CRISP3: variants seen among roughly 807,000 people sequenced by gnomAD.
CRISP3 encodes cysteine-rich secretory protein 3.
In CRISP3, 33 loss-of-function variants were observed where a neutral mutation model predicts 36.1. The observed-to-expected ratio is 0.91, with a 90% confidence interval of 0.69 to 1.22. The LOEUF is 1.22. CRISP3 is among the 50% of genes most tolerant of loss of function. CRISP3 has a pLI of 0.00. For missense variants in CRISP3, 330 were observed against 301.2 expected (o/e 1.10, Z -0.71); for synonymous variants, 117 against 104.6 (o/e 1.12, Z -0.72).
At chr6:49,741,333 A>G (rs1397183288) in intron 1 of CRISP3, among the ~76,000 whole-genome samples, 1 of 151,988 alleles carries the variant, frequency 6.6e-6, no homozygotes, top group East Asian at 1.9e-4. Flanking sequence ...ATGTAATCTG[A>G]GGAGTGGATA....
At chr6:49,735,639 A>C in intron 3 of CRISP3, 48 bp from the exon 4 acceptor site, 2 of 1,393,870 alleles carry the variant, frequency 1.4e-6, no homozygotes, top group Non-Finnish European at 2.0e-6. Context: ...CTCAAACCTC[A>C]AAGGAGCATA....
chr6:49,734,981 C>A (rs995384751), intron 4 of CRISP3, among the ~76,000 whole-genome samples: 2 of 151,332 alleles, frequency 1.3e-5, no homozygotes, highest in African/African-American at 4.9e-5. Context: ...ATCAAAAATT[C>A]AAAAGAAAAT....
intron 1 of CRISP3, among the ~76,000 whole-genome samples, chr6:49,737,619 C>T (rs893247293): frequency 2.0e-5 from 3 of 152,098 alleles, no homozygotes; most frequent in African/African-American, 7.2e-5. Flanking sequence ...CCAAAATTCC[C>T]GACTGAAGCC....
In CRISP3 at chr6:49,736,273, C is replaced by CA. The variant is rs566963820; in HGVS notation, c.228+117dup. 620 of 708,304 alleles carry CA rather than the reference C, an allele frequency of 8.8e-4. 9 individuals carry two copies. The East Asian group carries it at 0.016, about 18-fold the overall frequency. 43.9% of individuals were successfully genotyped at this position (708,304 alleles called of 1,614,324 possible). A position where few individuals can be genotyped will look rare whatever the true frequency, so the allele number is the denominator to read the frequency against. ...TGCCCATTACACAGCTCAAATGAAA[C>CA]AAAAAAATACAGAGAGAACTTTGTA... On this transcript the variant is annotated intron_variant, in intron 3 of 7. Transcript: ENST00000263045.
chr6:49,731,347 A>G (rs1047254549), intron 6 of CRISP3, 96 bp from the exon 7 acceptor site: 1 of 538,266 alleles, frequency 1.9e-6, no homozygotes, highest in Non-Finnish European at 3.2e-6. Flanking sequence ...ATGAGTATTT[A>G]TTAAATGTTT....
At chr6:49,733,317 G>A (rs746928544) in intron 5 of CRISP3, 25 bp from the exon 6 acceptor site, 15 of 1,432,822 alleles carry the variant, frequency 1.0e-5, no homozygotes, top group Middle Eastern at 3.5e-4. Context: ...GTGAAGATAT[G>A]AGAGCACATT....
Position 49,735,463 on chromosome 6 carries a change from A to G in CRISP3, c.316+41T>C, listed in dbSNP as rs554525671. On this transcript the variant is annotated intron_variant, in intron 4 of 7. Transcript: ENST00000263045. Reference sequence around the variant, plus strand: ...ACATCATAACATGGTTTATTATTTTACTTGTTGATTTATTCAACAAATATT... The same window carrying G: ...ACATCATAACATGGTTTATTATTTTGCTTGTTGATTTATTCAACAAATATT... 5.6e-6 allele frequency: 8 copies of G among 1,437,994 alleles called. No homozygotes were observed. In the Admixed American group the frequency reaches 7.1e-5, roughly 13 times the overall value. The allele number at this position is 1,437,994 out of a possible 1,614,324, so 89.1% of individuals were successfully genotyped here.
chr6:49,734,473 G>T (rs1768992446), intron 4 of CRISP3, among the ~76,000 whole-genome samples: 1 of 152,106 alleles, frequency 6.6e-6, no homozygotes, highest in South Asian at 2.1e-4. Context: ...AAAGTGCCTT[G>T]CAGCCCAGAA....
rs575371733 is a variant in CRISP3, at chr6:49,728,780, C to T, written c.727G>A (p.Val243Ile). 2.5e-5 allele frequency: 41 copies of T among 1,612,530 alleles called. No homozygotes were observed. The South Asian group carries it at 4.5e-4, about 18-fold the overall frequency. ...CAGGAGGCCTTGCAACTGTCCCTGA[C>T]CAACTGATGTTTACAGGTTAATGTG... ...KLTLTCKHQL[V>I]RDSCKASCNC... Residue 243 changes from valine to isoleucine, a missense_variant, in exon 8 of 8, where the codon GTC (valine) becomes ATC (isoleucine). Coordinates refer to ENST00000263045, the MANE Select transcript of CRISP3 (RefSeq NM_006061.4).
At chr6:49,735,474 T>G (rs1769024786) in intron 4 of CRISP3, 30 bp downstream of exon 4, 1 of 1,476,760 alleles carries the variant, frequency 6.8e-7, no homozygotes, top group Admixed American at 1.8e-5. Context: ...CTTGTTGATT[T>G]ATTCAACAAA....
chr6:49,736,642 G>T, intron 2 of CRISP3, 135 bp from the exon 3 acceptor site: 1 of 730,920 alleles, frequency 1.4e-6, no homozygotes. Flanking sequence ...GTCAATGACT[G>T]CCAAAGCTAT....
chr6:49,744,283 C>G, intron 1 of CRISP3, 48 bp downstream of exon 1: 1 of 1,353,938 alleles, frequency 7.4e-7, no homozygotes, highest in Non-Finnish European at 1.0e-6. Context: ...GTGTTGTTCA[C>G]CTTGAAATAA....
intron 5 of CRISP3, 41 bp from the exon 6 acceptor site, chr6:49,733,333 A>G: frequency 7.6e-7 from 1 of 1,311,144 alleles, no homozygotes; most frequent in South Asian, 1.3e-5. Context: ...ACATTAGAGA[A>G]GAAGGAAATA....
chr6:49,733,043 T>C (rs1285313761), intron 6 of CRISP3, 152 bp downstream of exon 6: 2 of 497,678 alleles, frequency 4.0e-6, no homozygotes, highest in African/African-American at 4.0e-5. Flanking sequence ...TTTATCTTTC[T>C]GAGAAGTTGG....
At chr6:49,738,869 G>T (rs552754423) in intron 1 of CRISP3, among the ~76,000 whole-genome samples, 1 of 152,208 alleles carries the variant, frequency 6.6e-6, no homozygotes, top group Non-Finnish European at 1.5e-5. Flanking sequence ...GACTTTGCTG[G>T]TATCCATTTG....
chr6:49,737,398 G>A lies in CRISP3; in HGVS notation c.38C>T (p.Ala13Val), dbSNP rs747793950. 3.1e-6 allele frequency: 5 copies of A among 1,613,922 alleles called. No individual in the cohort carries two copies. Among genetic ancestry groups the A allele is most frequent in the Middle Eastern group, 3.3e-4 (2 of 6,062 alleles). Residue 13 changes from alanine to valine, a missense_variant and splice_region_variant, in exon 2 of 8, where the codon GCA becomes GTA. Coordinates refer to ENST00000263045, the MANE Select transcript of CRISP3 (RefSeq NM_006061.4). ...CAACAGCACTGGGAATAATGTCATT[G>A]CTGGGAAAACAAAACCGGTGGAACA... ...QILHPALETT[A>V]MTLFPVLLFL... is the part of the protein sequence containing the mutation.
At chr6:49,743,780 C>G (rs893030307) in intron 1 of CRISP3, among the ~76,000 whole-genome samples, 7 of 149,796 alleles carry the variant, frequency 4.7e-5, no homozygotes, top group Admixed American at 1.3e-4. Context: ...CTTCTAAAAG[C>G]CTTTTTTTTT....
intron 1 of CRISP3, among the ~76,000 whole-genome samples, chr6:49,741,614 T>A (rs1412683825): frequency 1.5e-5 from 2 of 129,244 alleles, no homozygotes; most frequent in Non-Finnish European, 1.7e-5. Flanking sequence ...GTATGTAGTT[T>A]TTTTTTTTTT....
chr6:49,741,847 T>C (rs1311170906), intron 1 of CRISP3, among the ~76,000 whole-genome samples: 3 of 147,288 alleles, frequency 2.0e-5, no homozygotes, highest in Non-Finnish European at 4.5e-5. Flanking sequence ...ATATATAATA[T>C]ATACAAGTAA....
Sources: allele counts gnomAD v4.1 joint callset (sites outside exome capture counted in the v4.1 genomes callset), GRCh38; gene constraint gnomAD v4.1.1; transcripts MANE v1.5; gene names NCBI Gene and HGNC (gene_info 2026-07-23, HGNC 2026-07-21).